Variants in UACA observed in about 807,000 individuals in gnomAD.
The protein encoded by UACA is nuclear membrane binding protein.
Under a neutral mutation model 160.5 loss-of-function variants are expected in UACA, and 112 were observed. That is an observed-to-expected ratio of 0.70 (90% CI 0.60 to 0.82). The LOEUF (loss-of-function observed/expected upper bound fraction) is 0.82, where lower values mean the gene tolerates loss of function less well. Among genes scored for constraint, UACA ranks in the 40% least tolerant of loss-of-function variants. The pLI is 0.00. For missense variants in UACA, 1,574 were observed against 1,614.6 expected (o/e 0.97, Z 0.43); for synonymous variants, 557 against 568.4 (o/e 0.98, Z 0.29).
chr15:70,744,383 TAGC>T (rs1434425922), intron 1 of UACA, among the ~76,000 whole-genome samples: 1 of 151,762 alleles, frequency 6.6e-6, no homozygotes, highest in East Asian at 1.9e-4. Context: ...CACATAAATC[TAGC>T]AGAAGGAAGG....
In UACA at chr15:70,704,867, T is replaced by TTTGTGGCTGTGAGACCA. The variant is rs1595901020; in HGVS notation, c.79-5208_79-5207insTGGTCTCACAGCCACAA. The stretch of plus-strand genomic sequence containing the variant: ...GGCAGCCCACAAAATCACAGCAGAT[T>TTTGTGGCTGTGAGACCA]CAGAGAGACCCCAGGGATGCCTTGT... On this transcript the variant is annotated intron_variant, in intron 1 of 18. Transcript: ENST00000322954. Among the ~76,000 whole-genome samples the TTTGTGGCTGTGAGACCA allele has an allele frequency of 2.6e-5, 4 of 152,250 alleles. No homozygotes were observed. The East Asian group carries it at 7.7e-4, about 29-fold the overall frequency.
chr15:70,699,734 G>C, intron 1 of UACA, 74 bp from the exon 2 acceptor site: 2 of 1,546,592 alleles, frequency 1.3e-6, no homozygotes, highest in African/African-American at 1.4e-5. Context: ...AGAAAAAAGA[G>C]AGAAAGGAAA....
intron 10 of UACA, among the ~76,000 whole-genome samples, 194 bp downstream of exon 10, chr15:70,679,402 CTAAATAAATAAA>C (rs57970349): frequency 3.7e-5 from 5 of 134,058 alleles, no homozygotes; most frequent in Admixed American, 7.7e-5. Flanking sequence ...GACCCCATCT[CTAAATAAATAAA>C]TAAATAAATA....
rs550127071 is a variant in UACA at position 70,729,801 on chromosome 15, G to C, written c.79-30141C>G. Among the ~76,000 whole-genome samples the C allele has an allele frequency of 3.8e-4, 52 of 136,676 alleles. 9 individuals carry two copies. The highest frequency in any genetic ancestry group is 1.5e-3 in the African/African-American group (47 of 31,366). 89.7% of individuals were successfully genotyped at this position (136,676 alleles called of 152,430 possible). On this transcript the variant is annotated intron_variant, in intron 1 of 18. Coordinates refer to ENST00000322954, the MANE Select transcript of UACA (RefSeq NM_018003.4). The stretch of plus-strand genomic sequence containing the variant: ...AGCACGCAGCTGGAGATCTGAGAAC[G>C]GGCAGACTGCCTCCTCAAGTGGGTC...
chr15:70,760,668 G>A (rs1167229245), intron 1 of UACA, among the ~76,000 whole-genome samples: 2 of 151,990 alleles, frequency 1.3e-5, no homozygotes, highest in South Asian at 2.1e-4. Context: ...TTAGCCTGGC[G>A]TGGTGGTGCA....
At chr15:70,771,965 G>A in the UACA span, among the ~76,000 whole-genome samples, 2 of 152,190 alleles carry the variant, frequency 1.3e-5, no homozygotes, top group East Asian at 1.9e-4. Context: ...AGAGGGCCTA[G>A]TGGACCAAAG....
Position 70,672,020 on chromosome 15 carries a change from A to G in UACA, c.1132-19T>C. 6.3e-7 allele frequency: 1 copy of G among 1,585,696 alleles called. No individual in the cohort carries two copies. The highest frequency in any genetic ancestry group is 1.2e-5 in the South Asian group (1 of 85,130). ...GATCACTCTGAAATCAGAAGCATAAAATATTTTAGGGTGAATGCTGCCTCA... is the reference window on the plus strand; with the variant it reads ...GATCACTCTGAAATCAGAAGCATAAGATATTTTAGGGTGAATGCTGCCTCA... On this transcript the variant is annotated intron_variant, in intron 13 of 18. Coordinates refer to ENST00000322954, the MANE Select transcript of UACA (RefSeq NM_018003.4).
rs534751852 is a variant in UACA, at chr15:70,741,109, G to T, written c.78+22221C>A. Among the ~76,000 whole-genome samples, 15 of 152,194 alleles carry T rather than the reference G, an allele frequency of 9.9e-5. No individual in the cohort carries two copies. The South Asian group carries it at 3.1e-3, about 32-fold the overall frequency. ...AGAGTAGGGAGAGGAAAGTGCCTAC[G>T]GTACAAAATATATAAGGAGGGACTC... On this transcript the variant is annotated intron_variant, in intron 1 of 18. Coordinates refer to ENST00000322954, the MANE Select transcript of UACA (RefSeq NM_018003.4).
Position 70,745,207 on chromosome 15 carries a change from G to A in UACA, c.78+18123C>T, listed in dbSNP as rs181879913. Among the ~76,000 whole-genome samples, 10 of 152,058 alleles carry A rather than the reference G, an allele frequency of 6.6e-5. No individual in the cohort carries two copies. In the East Asian group the frequency reaches 1.4e-3, roughly 21 times the overall value. ...AGCACTTTGGGATGCCGAGGCAGGC[G>A]GACCATGAGGTCAGGAGATCAAGAC... is the stretch of plus-strand genomic sequence containing the variant. On this transcript the variant is annotated intron_variant, in intron 1 of 18. Coordinates refer to ENST00000322954, the MANE Select transcript of UACA (RefSeq NM_018003.4).
At chr15:70,672,960 G>T (rs1461325876) in intron 13 of UACA, among the ~76,000 whole-genome samples, 2 of 152,188 alleles carry the variant, frequency 1.3e-5, no homozygotes, top group Non-Finnish European at 2.9e-5. Flanking sequence ...GCTGGGTGTG[G>T]TGGCGGGCAC....
At chr15:70,774,545 C>CAAAAAAAAAAAAAAAAAAAAAA in the UACA span, among the ~76,000 whole-genome samples, 569 of 82,164 alleles carry the variant, frequency 6.9e-3, 27 homozygotes, top group Middle Eastern at 8.5e-3. Flanking sequence ...GACTCTGTCT[C>CAAAAAAAAAAAAAAAAAAAAAA]AAAAAAAAAA....
At chr15:70,704,166 C>T (rs977100468) in intron 1 of UACA, among the ~76,000 whole-genome samples, 2 of 152,178 alleles carry the variant, frequency 1.3e-5, no homozygotes, top group Non-Finnish European at 2.9e-5. Context: ...ACTTGGTAGT[C>T]AGTCACTAGA....
At chr15:70,676,963 A>C in intron 12 of UACA, 145 bp downstream of exon 12, 1 of 601,718 alleles carries the variant, frequency 1.7e-6, no homozygotes, top group East Asian at 2.9e-5. Context: ...ATCCTTTTTT[A>C]GTCATCTATA....
intron 1 of UACA, among the ~76,000 whole-genome samples, chr15:70,759,658 AAAAT>A (rs973056089): frequency 1.3e-5 from 2 of 152,220 alleles, no homozygotes; most frequent in African/African-American, 4.8e-5. Context: ...TCCATCTCGA[AAAAT>A]AAATAAATAA....
chr15:70,679,592 A>AT lies in UACA; in HGVS notation c.891+15dup. The AT allele has an allele frequency of 1.3e-6, 2 of 1,548,870 alleles. No homozygotes were observed. The highest frequency in any genetic ancestry group is 1.8e-6 in the Non-Finnish European group (2 of 1,136,446). ...ATTGTTTTTAAAGGAAGACACCATT[A>AT]TTTTTTTCTTTTTACCTGAATATTT... On this transcript the variant is annotated intron_variant, in intron 10 of 18. Transcript: ENST00000322954.
intron 1 of UACA, among the ~76,000 whole-genome samples, chr15:70,752,891 T>C (rs2062635515): frequency 6.6e-6 from 1 of 152,154 alleles, no homozygotes; most frequent in South Asian, 2.1e-4. Flanking sequence ...AGTATTAATA[T>C]CTAACAATGT....
intron 1 of UACA, among the ~76,000 whole-genome samples, chr15:70,741,555 T>C (rs1289885605): frequency 1.3e-5 from 2 of 152,238 alleles, no homozygotes; most frequent in East Asian, 1.9e-4. Flanking sequence ...CTTTATAAAG[T>C]TGGCTTTGTG....
chr15:70,723,492 C>A, intron 1 of UACA, among the ~76,000 whole-genome samples: 1 of 152,274 alleles, frequency 6.6e-6, no homozygotes, highest in African/African-American at 2.4e-5. Context: ...GAAATGGGTA[C>A]TCTCCCTCTA....
chr15:70,699,869 C>T (rs1898278569), intron 1 of UACA, among the ~76,000 whole-genome samples: 1 of 151,932 alleles, frequency 6.6e-6, no homozygotes, highest in African/African-American at 2.4e-5. Context: ...ATACAAGAAA[C>T]ATTTAAAATT....
Sources: allele counts gnomAD v4.1 joint callset (sites outside exome capture counted in the v4.1 genomes callset), GRCh38; gene constraint gnomAD v4.1.1; transcripts MANE v1.5; gene names NCBI Gene and HGNC (gene_info 2026-07-23, HGNC 2026-07-21).